ZNF783: variants seen among roughly 807,000 people sequenced by gnomAD.
ZNF783 encodes the protein zinc finger protein 783, also known as protein ZNF783.
A neutral mutation model predicts 31.3 loss-of-function variants in ZNF783; 25 were observed. The observed-to-expected ratio is 0.80, with a 90% CI of 0.58 to 1.11. The LOEUF is 1.11. Among genes scored for constraint, ZNF783 ranks in the 50% most tolerant of loss-of-function variants. The probability of loss-of-function intolerance (pLI) is 0.00; values close to 1 mark genes in which losing one functional copy is unlikely to be tolerated. For synonymous variants in ZNF783, 369 were observed against 319.1 expected (o/e 1.16, Z -1.66); for missense variants, 797 against 760.0 (o/e 1.05, Z -0.57).
chr7:149,279,983 G>A (rs1394207978), intron 5 of ZNF783, among the ~76,000 whole-genome samples: 1 of 152,112 alleles, frequency 6.6e-6, no homozygotes, highest in Non-Finnish European at 1.5e-5. Context: ...GAGCTGTTGG[G>A]TACACCTCCC....
At chr7:149,278,863 C>T (rs1408612314) in intron 5 of ZNF783, among the ~76,000 whole-genome samples, 4 of 152,202 alleles carry the variant, frequency 2.6e-5, no homozygotes, top group African/African-American at 4.8e-5. Flanking sequence ...GGGTCCCATC[C>T]ACGGGGCAGT....
At chr7:149,272,559 G>A (rs1329354593) in intron 4 of ZNF783, among the ~76,000 whole-genome samples, 1 of 151,924 alleles carries the variant, frequency 6.6e-6, no homozygotes, top group African/African-American at 2.4e-5. Flanking sequence ...GAGTGTGGAT[G>A]AGTTTTTTTT....
chr7:149,282,631 C>G lies in ZNF783; in HGVS notation c.*288C>G. 1 of 375,162 alleles carries G rather than the reference C, an allele frequency of 2.7e-6. No individual in the cohort carries two copies. The highest frequency in any genetic ancestry group is 4.3e-5 in the East Asian group (1 of 23,004). 23.2% of individuals were successfully genotyped at this position (375,162 alleles called of 1,614,324 possible). Reference sequence around the variant, plus strand: ...TACCACAGCCAAGAGGACCAGAGATCATGGCCCTTCCAGTATGGGGGCGAT... The same window carrying G: ...TACCACAGCCAAGAGGACCAGAGATGATGGCCCTTCCAGTATGGGGGCGAT... On this transcript the variant is annotated 3_prime_UTR_variant, in exon 6 of 6. Coordinates refer to ENST00000434415, the MANE Select transcript of ZNF783 (RefSeq NM_001195220.2).
chr7:149,279,884 G>A (rs62494180), intron 5 of ZNF783, among the ~76,000 whole-genome samples: 15,334 of 151,420 alleles, frequency 0.1, 981 homozygotes, highest in East Asian at 0.23. Flanking sequence ...ACACAGACAC[G>A]GCAACCATCC....
In ZNF783 at chr7:149,284,034, G is replaced by A. The variant is rs1797544710; in HGVS notation, c.*1691G>A. 6.6e-6 allele frequency: 1 copy of A among 152,180 alleles called. No individual in the cohort carries two copies. Among genetic ancestry groups the A allele is most frequent in the African/African-American group, 2.4e-5 (1 of 41,418 alleles). The allele number at this position is 152,180 out of a possible 1,614,324, so 9.4% of individuals were successfully genotyped here. A position where few individuals can be genotyped will look rare whatever the true frequency, so the allele number is the denominator to read the frequency against. On this transcript the variant is annotated 3_prime_UTR_variant, in exon 6 of 6. Transcript: ENST00000434415. ...CTTACCAAAGCATGAGATTCGGACT[G>A]TAGAAGTTCAGACTGCCTCAGTTCA...
At chr7:149,267,343 A>G in intron 4 of ZNF783, 121 bp downstream of exon 4, 1 of 1,349,542 alleles carries the variant, frequency 7.4e-7, no homozygotes, top group Admixed American at 2.8e-5. Flanking sequence ...CATTAACCCA[A>G]AGTGGGACCA....
At chr7:149,280,150 A>AC (rs1221254021) in intron 5 of ZNF783, among the ~76,000 whole-genome samples, 6 of 125,736 alleles carry the variant, frequency 4.8e-5, no homozygotes, top group South Asian at 2.9e-4. Flanking sequence ...CGGGGGGCTG[A>AC]CCCCCCCACC....
chr7:149,282,409 T>A lies in ZNF783; in HGVS notation c.*66T>A. On this transcript the variant is annotated 3_prime_UTR_variant, in exon 6 of 6. Coordinates refer to ENST00000434415, the MANE Select transcript of ZNF783 (RefSeq NM_001195220.2). ...CCCTGTGCCTGACGCAGGTTCTTCC[T>A]TTTCCTGGGATGGAGAGAGGTTTGT... 7.8e-7 allele frequency: 1 copy of A among 1,289,534 alleles called. No homozygotes were observed. Among genetic ancestry groups the A allele is most frequent in the Non-Finnish European group, 1.0e-6 (1 of 971,126 alleles). The allele number at this position is 1,289,534 out of a possible 1,614,324, so 79.9% of individuals were successfully genotyped here.
At chr7:149,271,105 A>AT (rs1176571149) in intron 4 of ZNF783, among the ~76,000 whole-genome samples, 2 of 152,040 alleles carry the variant, frequency 1.3e-5, no homozygotes, top group Non-Finnish European at 2.9e-5. Flanking sequence ...CGCCTGGCTA[A>AT]TTTTTTGTAT....
At chr7:149,273,529 T>C (rs1797258334) in intron 4 of ZNF783, among the ~76,000 whole-genome samples, 1 of 151,970 alleles carries the variant, frequency 6.6e-6, no homozygotes, top group African/African-American at 2.4e-5. Flanking sequence ...TTCATATACC[T>C]GTTTGCCATT....
chr7:149,276,170 C>A (rs542990198), intron 4 of ZNF783: 3 of 219,460 alleles, frequency 1.4e-5, no homozygotes, highest in Non-Finnish European at 2.3e-5. Context: ...GGATTACAGG[C>A]ATGAGCCACT....
rs747865532 is a variant in ZNF783 at position 149,281,589 on chromosome 7, A to C, written c.887A>C (p.Gln296Pro). 6.5e-7 allele frequency: 1 copy of C among 1,536,142 alleles called. No homozygotes were observed. The highest frequency in any genetic ancestry group is 1.4e-5 in the African/African-American group (1 of 70,916). ...CTCTTTCTGGGGGTGTCCCGAGGCC[A>C]GACCGAGTGTAGAATCCCCCGAGGG... ...ERLFLGVSRGQTECRIPRGPR... is the reference protein window; with the variant it reads ...ERLFLGVSRGPTECRIPRGPR... The change falls in exon 6 of 6, where the codon CAG becomes CCG. Residue 296 changes from glutamine to proline, a missense_variant. Physicochemically the swap from Gln to Pro is moderately conservative, Grantham distance 76 (BLOSUM62 -1). Transcript: ENST00000434415.
At chr7:149,273,210 A>C (rs903862688) in intron 4 of ZNF783, among the ~76,000 whole-genome samples, 4 of 152,224 alleles carry the variant, frequency 2.6e-5, no homozygotes, top group Non-Finnish European at 5.9e-5. Flanking sequence ...TGCAGTAAAC[A>C]TGGGAGTGCA....
chr7:149,274,665 C>T (rs930351474), intron 4 of ZNF783, among the ~76,000 whole-genome samples: 6 of 152,226 alleles, frequency 3.9e-5, no homozygotes, highest in African/African-American at 1.4e-4. Flanking sequence ...CGCACCTGGC[C>T]TAATATGTGT....
At chr7:149,276,301 G>A (rs1797327799) in intron 4 of ZNF783, 1 of 977,902 alleles carries the variant, frequency 1.0e-6, no homozygotes, top group African/African-American at 1.7e-5. Flanking sequence ...ACCACCTTGT[G>A]ATGCTTGGGG....
chr7:149,277,587 A>G (rs1797361952), intron 4 of ZNF783, among the ~76,000 whole-genome samples: 1 of 152,000 alleles, frequency 6.6e-6, no homozygotes, highest in African/African-American at 2.4e-5. Flanking sequence ...AAAAAATACA[A>G]AAATTAGCCG....
Position 149,281,764 on chromosome 7 carries a change from C to T in ZNF783, c.1062C>T (p.Cys354=), listed in dbSNP as rs574127058. 18 of 1,497,228 alleles carry T rather than the reference C, an allele frequency of 1.2e-5. No homozygotes were observed. Among genetic ancestry groups the T allele is most frequent in the East Asian group, 4.8e-5 (2 of 41,700 alleles). 92.7% of individuals were successfully genotyped at this position (1,497,228 alleles called of 1,614,324 possible). The part of the protein sequence containing the change: ...RRQRAFPCPD[C]GQSFRLKINL... ...AGCGGGCATTCCCCTGCCCCGACTG[C>T]GGGCAGAGCTTCCGCCTGAAGATCA... The change falls in exon 6 of 6, where the codon TGC becomes TGT. Residue 354 remains cysteine, a synonymous_variant. Transcript: ENST00000434415.
In ZNF783 at chr7:149,284,923, C is replaced by T. The variant is rs921552896; in HGVS notation, c.*2580C>T. The T allele has an allele frequency of 6.6e-6, 1 of 152,310 alleles. No individual in the cohort carries two copies. Among genetic ancestry groups the T allele is most frequent in the Non-Finnish European group, 1.5e-5 (1 of 68,086 alleles). 9.4% of individuals were successfully genotyped at this position (152,310 alleles called of 1,614,324 possible). On this transcript the variant is annotated 3_prime_UTR_variant, in exon 6 of 6. Coordinates refer to ENST00000434415, the MANE Select transcript of ZNF783 (RefSeq NM_001195220.2). ...TGAGTGGGCCACGACGTTAATAAGC[C>T]CAAGAGAACTGTGAAGGTGGTAGTC... is the stretch of plus-strand genomic sequence containing the variant.
In ZNF783 at chr7:149,283,830, G is replaced by T. The variant is rs1797540575; in HGVS notation, c.*1487G>T. On this transcript the variant is annotated 3_prime_UTR_variant, in exon 6 of 6. Transcript: ENST00000434415. ...TGGGACAAATATGAAGCCTAGCTTTGTGCTTCCTTTCAAATTCAGGGCCTC... is the reference window on the plus strand; with the variant it reads ...TGGGACAAATATGAAGCCTAGCTTTTTGCTTCCTTTCAAATTCAGGGCCTC... 1 of 152,360 alleles carries T rather than the reference G, an allele frequency of 6.6e-6. No homozygotes were observed. The highest frequency in any genetic ancestry group is 2.4e-5 in the African/African-American group (1 of 41,562). The allele number at this position is 152,360 out of a possible 1,614,324, so 9.4% of individuals were successfully genotyped here.
Sources: allele counts gnomAD v4.1 joint callset (sites outside exome capture counted in the v4.1 genomes callset), GRCh38; gene constraint gnomAD v4.1.1; transcripts MANE v1.5; gene names NCBI Gene and HGNC (gene_info 2026-07-23, HGNC 2026-07-21).